The following MND1 variants were observed in gnomAD, a reference collection of about 807,000 sequenced individuals.
The protein encoded by MND1 is meiotic nuclear division protein 1 homolog.
Under a neutral mutation model 35.1 loss-of-function variants are expected in MND1, and 28 were observed. That is an observed-to-expected ratio of 0.80 (90% CI 0.59 to 1.09). The LOEUF (loss-of-function observed/expected upper bound fraction) is 1.09, where lower values mean the gene tolerates loss of function less well. MND1 is among the 50% of genes least tolerant of loss of function. The probability of loss-of-function intolerance (pLI) is 0.00; values close to 1 mark genes in which losing one functional copy is unlikely to be tolerated. For missense variants in MND1, 213 were observed against 239.6 expected (o/e 0.89, Z 0.73); for synonymous variants, 69 against 70.5 (o/e 0.98, Z 0.11).
chr4:153,345,087 G>C (rs1579883720), intron 1 of MND1, among the ~76,000 whole-genome samples: 1 of 152,210 alleles, frequency 6.6e-6, no homozygotes, highest in East Asian at 1.9e-4. Context: ...CACCAACCTG[G>C]ATTTATCTAA....
chr4:153,379,415 A>C (rs1017219456), intron 4 of MND1, among the ~76,000 whole-genome samples: 1 of 151,992 alleles, frequency 6.6e-6, no homozygotes, highest in South Asian at 2.1e-4. Context: ...GGACAGAGCC[A>C]TTCTAAAAGG....
At chr4:153,361,664 C>A in intron 4 of MND1, 1 of 398,300 alleles carries the variant, frequency 2.5e-6, no homozygotes, top group Non-Finnish European at 4.9e-6. Context: ...ACGGTGAAAC[C>A]CTGTCCACTA....
intron 4 of MND1, among the ~76,000 whole-genome samples, chr4:153,390,246 G>T (rs1728982692): frequency 6.6e-6 from 1 of 152,156 alleles, no homozygotes; most frequent in African/African-American, 2.4e-5. Flanking sequence ...GTTTCCAGTG[G>T]TTGGGATTTT....
chr4:153,372,980 G>C (rs1289104076), intron 4 of MND1, among the ~76,000 whole-genome samples: 1 of 150,920 alleles, frequency 6.6e-6, no homozygotes, highest in African/African-American at 2.4e-5. Context: ...TGTTACATAG[G>C]AACTCTTTCT....
chr4:153,361,937 C>T (rs925863362), intron 4 of MND1, among the ~76,000 whole-genome samples: 2 of 152,124 alleles, frequency 1.3e-5, no homozygotes, highest in African/African-American at 4.8e-5. Flanking sequence ...TTTGTATCCT[C>T]ATTCTATCGT....
chr4:153,351,329 G>A (rs1773213182), intron 2 of MND1, among the ~76,000 whole-genome samples: 1 of 152,160 alleles, frequency 6.6e-6, no homozygotes, highest in Admixed American at 6.5e-5. Flanking sequence ...CTGAGGATCA[G>A]CAGTTTAAGG....
At position 153,361,984 on chromosome 4, in the gene MND1, T is replaced by C. The variant is rs149877604; in HGVS notation, c.276+3362T>C. ...AAGAACTCTTTATTTTTTCCATGTC[T>C]TTCCATGTCTGTGATTCATTGCAGT... On this transcript the variant is annotated intron_variant, in intron 4 of 7. Coordinates refer to ENST00000240488, the MANE Select transcript of MND1 (RefSeq NM_032117.4). 5.4e-4 allele frequency among the ~76,000 whole-genome samples: 82 copies of C among 152,360 alleles called. No homozygotes were observed. The East Asian group carries it at 0.015, about 29-fold the overall frequency.
chr4:153,394,231 C>T (rs774798227), intron 4 of MND1, 31 bp from the exon 5 acceptor site: 1 of 1,597,334 alleles, frequency 6.3e-7, no homozygotes. Context: ...TTTATCTTAG[C>T]AAGCTGTTTT....
At chr4:153,371,833 G>A (rs889607667) in intron 4 of MND1, among the ~76,000 whole-genome samples, 18 of 151,998 alleles carry the variant, frequency 1.2e-4, no homozygotes, top group Non-Finnish European at 1.9e-4. Context: ...CTAGCTTTCC[G>A]CCTGTTTTGG....
intron 4 of MND1, among the ~76,000 whole-genome samples, chr4:153,374,554 T>C (rs915418918): frequency 2.6e-5 from 4 of 152,172 alleles, no homozygotes; most frequent in African/African-American, 9.6e-5. Flanking sequence ...GATCAGCTTA[T>C]TCTACATATT....
intron 2 of MND1, among the ~76,000 whole-genome samples, chr4:153,354,456 C>T (rs927172157): frequency 1.3e-5 from 2 of 152,134 alleles, no homozygotes; most frequent in Non-Finnish European, 2.9e-5. Flanking sequence ...CCAAGTGATC[C>T]AGCATAACTA....
chr4:153,351,317 C>T (rs1196376087), intron 2 of MND1, among the ~76,000 whole-genome samples: 1 of 152,080 alleles, frequency 6.6e-6, no homozygotes. Flanking sequence ...ACATGAAAGA[C>T]TCTGAGGATC....
At chr4:153,368,609 T>C (rs1383951647) in intron 4 of MND1, among the ~76,000 whole-genome samples, 1 of 152,160 alleles carries the variant, frequency 6.6e-6, no homozygotes, top group African/African-American at 2.4e-5. Flanking sequence ...ATTACTGAGA[T>C]AAAAAGCATA....
intron 2 of MND1, among the ~76,000 whole-genome samples, chr4:153,352,859 G>T (rs1773250334): frequency 6.6e-6 from 1 of 150,978 alleles, no homozygotes; most frequent in South Asian, 2.1e-4. Flanking sequence ...GATTCTCTCT[G>T]CTTAATGCTG....
intron 7 of MND1, 53 bp downstream of exon 7, chr4:153,409,068 C>A: frequency 9.1e-7 from 1 of 1,102,082 alleles, no homozygotes; most frequent in East Asian, 3.1e-5. Flanking sequence ...TTCACACTTA[C>A]TGCGACGTGA....
chr4:153,356,975 A>G (rs1773362115), intron 3 of MND1, among the ~76,000 whole-genome samples: 1 of 152,032 alleles, frequency 6.6e-6, no homozygotes, highest in Non-Finnish European at 1.5e-5. Flanking sequence ...AGCTCCTGCC[A>G]CCATGCCCAC....
intron 4 of MND1, chr4:153,361,612 G>A (rs1214120187): frequency 2.2e-6 from 1 of 453,174 alleles, no homozygotes; most frequent in East Asian, 7.0e-5. Context: ...GGCTGAGGCG[G>A]GCAGATCACG....
At chr4:153,388,068 C>T (rs1337937217) in intron 4 of MND1, among the ~76,000 whole-genome samples, 1 of 152,118 alleles carries the variant, frequency 6.6e-6, no homozygotes. Flanking sequence ...TATGAATAGT[C>T]AGTTCCTCCA....
chr4:153,365,954 A>G (rs1773627125), intron 4 of MND1, among the ~76,000 whole-genome samples: 1 of 118,164 alleles, frequency 8.5e-6, no homozygotes, highest in Admixed American at 8.0e-5. Context: ...TGGTGGCTGC[A>G]AATGCAAAAA....
Sources: gnomAD v4.1 joint callset for allele counts (sites outside exome capture counted in the v4.1 genomes callset) on GRCh38, gnomAD v4.1.1 for gene constraint, MANE v1.5 for transcripts, NCBI Gene and HGNC (gene_info 2026-07-23, HGNC 2026-07-21) for gene names.